XYLB: variants seen among roughly 807,000 people sequenced by gnomAD.
XYLB encodes xylulokinase.
XYLB carries 62 observed loss-of-function variants against 78.7 expected under a neutral mutation model. That is an observed-to-expected ratio of 0.79 (90% CI 0.64 to 0.97). The LOEUF (loss-of-function observed/expected upper bound fraction) is 0.97, where lower values mean the gene tolerates loss of function less well. Among genes scored for constraint, XYLB ranks in the 50% least tolerant of loss-of-function variants. The pLI is 0.00. For synonymous variants in XYLB, 245 were observed against 247.4 expected (o/e 0.99, Z 0.09); for missense variants, 687 against 676.8 (o/e 1.02, Z -0.17).
At chr3:38,439,152 G>A in the XYLB span, among the ~76,000 whole-genome samples, 15 of 152,238 alleles carry the variant, frequency 9.9e-5, 1 homozygote, top group African/African-American at 3.1e-4. Context: ...GAAATTGGGC[G>A]ATGACCATTC....
chr3:38,411,984 C>CT (rs5848424), intron 18 of XYLB, among the ~76,000 whole-genome samples: 409 of 138,180 alleles, frequency 3.0e-3, no homozygotes, highest in African/African-American at 5.8e-3. Context: ...GATCTCAACT[C>CT]TTTTTTTTTT....
At chr3:38,428,522 G>T in the XYLB span, among the ~76,000 whole-genome samples, 1 of 151,766 alleles carries the variant, frequency 6.6e-6, no homozygotes. Context: ...TACATATTTG[G>T]GACTGTTATA....
At chr3:38,379,006 A>C (rs1218013557) in intron 14 of XYLB, among the ~76,000 whole-genome samples, 1 of 151,812 alleles carries the variant, frequency 6.6e-6, no homozygotes, top group African/African-American at 2.4e-5. Flanking sequence ...GCCTGAGACT[A>C]AGTTCTGTAA....
the XYLB span, among the ~76,000 whole-genome samples, chr3:38,444,714 A>C: frequency 6.6e-6 from 1 of 152,106 alleles, no homozygotes; most frequent in Non-Finnish European, 1.5e-5. Context: ...CTTAGGATGC[A>C]TTTCAAGGAT....
At chr3:38,365,484 C>T in intron 5 of XYLB, 124 bp from the exon 6 acceptor site, 1 of 1,504,774 alleles carries the variant, frequency 6.6e-7, no homozygotes, top group Non-Finnish European at 9.0e-7. Context: ...CATGTGTCTC[C>T]AACCAAGGTC....
At chr3:38,426,346 A>G (rs1709099453), downstream of XYLB, among the ~76,000 whole-genome samples, 1 of 152,222 alleles carries the variant, frequency 6.6e-6, no homozygotes, top group South Asian at 2.1e-4. Flanking sequence ...TGATTTTTGC[A>G]TTACTCCTCA....
intron 9 of XYLB, among the ~76,000 whole-genome samples, chr3:38,371,343 G>A (rs1378544103): frequency 2.0e-5 from 3 of 151,448 alleles, no homozygotes; most frequent in African/African-American, 4.9e-5. Flanking sequence ...GCGCAGTCTC[G>A]GCTCACTGCA....
intron 3 of XYLB, among the ~76,000 whole-genome samples, chr3:38,361,886 C>G (rs925894381): frequency 2.6e-5 from 4 of 152,216 alleles, no homozygotes; most frequent in African/African-American, 9.6e-5. Flanking sequence ...GTGAGAGAGT[C>G]TTCTCTGCCC....
exon 18 of XYLB, among the ~76,000 whole-genome samples, chr3:38,420,570 T>A (rs982707119): frequency 6.6e-6 from 1 of 152,268 alleles, no homozygotes; most frequent in East Asian, 1.9e-4. Flanking sequence ...CCTTAAATAT[T>A]TGATTGAATT....
chr3:38,440,869 CCT>C, the XYLB span, among the ~76,000 whole-genome samples: 9 of 150,164 alleles, frequency 6.0e-5, no homozygotes, highest in African/African-American at 9.7e-5. Context: ...TTTGTCTCTT[CCT>C]CTCTCTCTCT....
At chr3:38,380,254 G>T (rs1375564080) in intron 15 of XYLB, among the ~76,000 whole-genome samples, 4 of 152,080 alleles carry the variant, frequency 2.6e-5, no homozygotes, top group Non-Finnish European at 5.9e-5. Flanking sequence ...ATAGCAACTG[G>T]CATGGAGAGG....
the XYLB span, among the ~76,000 whole-genome samples, chr3:38,437,007 AT>A: frequency 8.9e-5 from 10 of 111,774 alleles, no homozygotes; most frequent in East Asian, 3.5e-3. Context: ...CCTTCTAAAA[AT>A]AATAATAATA....
chr3:38,384,007 C>T (rs1434807802), intron 15 of XYLB, among the ~76,000 whole-genome samples: 10 of 152,064 alleles, frequency 6.6e-5, no homozygotes, highest in Admixed American at 6.6e-4. Context: ...GTTACTTTTC[C>T]TGCATTTGGG....
chr3:38,355,983 G>T (rs1022691265), intron 2 of XYLB: 9 of 559,368 alleles, frequency 1.6e-5, no homozygotes, highest in African/African-American at 1.5e-4. Context: ...AGGTGTGGTC[G>T]CTCACGCCTG....
downstream of XYLB, among the ~76,000 whole-genome samples, chr3:38,417,924 T>C (rs1708851688): frequency 1.3e-5 from 2 of 149,532 alleles, no homozygotes; most frequent in Non-Finnish European, 3.0e-5. Flanking sequence ...GGGCGTGGTG[T>C]CTCATGTCTG....
intron 18 of XYLB, among the ~76,000 whole-genome samples, chr3:38,409,705 CA>C (rs1708492205): frequency 6.6e-6 from 1 of 152,120 alleles, no homozygotes; most frequent in African/African-American, 2.4e-5. Context: ...GATACAAAAT[CA>C]ATGTACAAAA....
intron 3 of XYLB, among the ~76,000 whole-genome samples, chr3:38,361,742 C>T (rs934027998): frequency 6.6e-6 from 1 of 152,208 alleles, no homozygotes; most frequent in African/African-American, 2.4e-5. Context: ...TTGATCCTAG[C>T]TCTGCCAGCC....
intron 5 of XYLB, 103 bp from the exon 6 acceptor site, chr3:38,365,505 A>T: frequency 6.5e-7 from 1 of 1,527,006 alleles, no homozygotes; most frequent in Non-Finnish European, 8.8e-7. Context: ...ACCTGGGAAG[A>T]AGCGTCATGA....
chr3:38,439,540 A>C, the XYLB span, among the ~76,000 whole-genome samples: 2 of 152,314 alleles, frequency 1.3e-5, no homozygotes, highest in East Asian at 3.9e-4. Flanking sequence ...AGGCAGGCAG[A>C]TCACAAGGTC....
Sources: allele counts gnomAD v4.1 joint callset (sites outside exome capture counted in the v4.1 genomes callset), GRCh38; gene constraint gnomAD v4.1.1; transcripts MANE v1.5; gene names NCBI Gene and HGNC (gene_info 2026-07-23, HGNC 2026-07-21).